CABP1: variants seen among roughly 807,000 people sequenced by gnomAD.
CABP1 encodes the protein calcium binding protein 1.
In CABP1, 17 loss-of-function variants were observed where a neutral mutation model predicts 34.3. The ratio of observed to expected loss-of-function variants is 0.50; its 90% CI spans 0.34 to 0.74. CABP1 has a LOEUF of 0.74. Among genes scored for constraint, CABP1 ranks in the 30% least tolerant of loss-of-function variants. The pLI is 0.01. For missense variants in CABP1, 373 were observed against 511.1 expected, an observed-to-expected ratio of 0.73 and a Z score of 2.61; for synonymous variants, 198 against 229.2, an observed-to-expected ratio of 0.86 and a Z score of 1.23.
At chr12:120,675,936 C>T in the CABP1 span, among the ~76,000 whole-genome samples, 2 of 152,120 alleles carry the variant, frequency 1.3e-5, no homozygotes, top group African/African-American at 2.4e-5. Context: ...TTTAGCTGGG[C>T]GTGGTGGTGG....
chr12:120,670,710 T>C (rs1881224278), downstream of CABP1, among the ~76,000 whole-genome samples: 1 of 152,178 alleles, frequency 6.6e-6, no homozygotes. Context: ...ATTGCACCGC[T>C]GCACTCAGCC....
Position 120,655,826 on chromosome 12 carries a change from C to T in CABP1, c.655-4052C>T, listed in dbSNP as rs1289125467. The T allele has an allele frequency of 2.8e-5, 40 of 1,417,922 alleles. No individual in the cohort carries two copies. In the Middle Eastern group the frequency reaches 1.1e-3, roughly 38 times the overall value. The allele number at this position is 1,417,922 out of a possible 1,614,324, so 87.8% of individuals were successfully genotyped here. ...GTGCATATGTATGTGCCAGTGCGTG[C>T]GTGCGTGTGTGTGTGTGTGTGTGTG... is the stretch of plus-strand genomic sequence containing the variant. On this transcript the variant is annotated intron_variant, in intron 1 of 5. Transcript: ENST00000316803.
At chr12:120,649,527 G>T (rs1267180322) in intron 1 of CABP1, among the ~76,000 whole-genome samples, 1 of 152,178 alleles carries the variant, frequency 6.6e-6, no homozygotes, top group Non-Finnish European at 1.5e-5. Context: ...CATCTAAAAA[G>T]CTCCAGCTGT....
At chr12:120,650,654 A>C (rs756976928) in intron 1 of CABP1, 2 of 1,614,132 alleles carry the variant, frequency 1.2e-6, no homozygotes, top group Non-Finnish European at 1.7e-6. Context: ...AACTGTGTCA[A>C]GTATCCACTG....
the CABP1 span, among the ~76,000 whole-genome samples, chr12:120,674,560 T>G: frequency 1.3e-5 from 2 of 152,080 alleles, no homozygotes; most frequent in Non-Finnish European, 2.9e-5. Context: ...GGGGTCTGAG[T>G]ATCATGATTG....
chr12:120,673,680 C>T, the CABP1 span, among the ~76,000 whole-genome samples: 4 of 152,150 alleles, frequency 2.6e-5, no homozygotes, highest in South Asian at 2.1e-4. Flanking sequence ...TTATCAGCCG[C>T]GTCATCTTGG....
chr12:120,660,443 C>A lies in CABP1; in HGVS notation c.829+104C>A. The stretch of plus-strand genomic sequence containing the variant: ...AAATTCTGCATCCACCTCTTACCAG[C>A]TCTGTGATCTGGGGCCAACCACTTA... On this transcript the variant is annotated intron_variant, in intron 3 of 5. Transcript: ENST00000316803. The surrounding 1 kb of genome is among the most constrained non-coding windows in gnomAD (Gnocchi z 5.0). 4 of 1,282,186 alleles carry A rather than the reference C, an allele frequency of 3.1e-6. No individual in the cohort carries two copies. Among genetic ancestry groups the A allele is most frequent in the Non-Finnish European group, 3.2e-6 (3 of 932,676 alleles). 79.4% of individuals were successfully genotyped at this position (1,282,186 alleles called of 1,614,324 possible).
At chr12:120,656,212 C>T (rs928651165) in intron 1 of CABP1, 23 of 1,602,392 alleles carry the variant, frequency 1.4e-5, no homozygotes, top group Non-Finnish European at 1.9e-5. Flanking sequence ...CAGTCATGCA[C>T]AACCTGCTGG....
chr12:120,656,237 T>C, intron 1 of CABP1: 1 of 1,583,392 alleles, frequency 6.3e-7, no homozygotes, highest in African/African-American at 1.3e-5. Context: ...TGCCTGCATT[T>C]TCCTGCGCAA....
At chr12:120,669,503 A>G (rs1359218222), downstream of CABP1, among the ~76,000 whole-genome samples, 1 of 152,216 alleles carries the variant, frequency 6.6e-6, no homozygotes, top group Non-Finnish European at 1.5e-5. Flanking sequence ...ACTTAGGGAT[A>G]AACTAGGACT....
chr12:120,679,199 T>C, the CABP1 span, among the ~76,000 whole-genome samples: 1 of 151,752 alleles, frequency 6.6e-6, no homozygotes, highest in Admixed American at 6.6e-5. Flanking sequence ...AAACTAAGGA[T>C]CAAAGAGGTG....
At position 120,641,568 on chromosome 12, in the gene CABP1, C is replaced by A. The variant is rs950320017; in HGVS notation, c.654+229C>A. 7.4e-6 allele frequency: 3 copies of A among 403,674 alleles called. No individual in the cohort carries two copies. Among genetic ancestry groups the A allele is most frequent in the Non-Finnish European group, 8.5e-6 (2 of 235,786 alleles). The allele number at this position is 403,674 out of a possible 1,614,324, so 25.0% of individuals were successfully genotyped here. ...CCGGGCCTCTTGGGGCAAGGCCCTC[C>A]CCGCTAGCCTCCCTCATACCCGCCA... On this transcript the variant is annotated intron_variant, in intron 1 of 5. Coordinates refer to ENST00000316803, the MANE Select transcript of CABP1 (RefSeq NM_001033677.2). The surrounding 1 kb of genome is among the most constrained non-coding windows in gnomAD (Gnocchi z 6.7).
downstream of CABP1, among the ~76,000 whole-genome samples, chr12:120,669,869 C>T (rs1214821351): frequency 2.0e-5 from 3 of 152,208 alleles, no homozygotes; most frequent in Non-Finnish European, 4.4e-5. Context: ...CCAGGGCAGT[C>T]CTCCTGCCTC....
intron 1 of CABP1, among the ~76,000 whole-genome samples, chr12:120,657,773 G>A (rs927026444): frequency 6.6e-6 from 1 of 152,198 alleles, no homozygotes; most frequent in Admixed American, 6.5e-5. Context: ...TGGGTGTACA[G>A]GAGGAACGGA....
chr12:120,671,855 C>T (rs1463742178), downstream of CABP1, among the ~76,000 whole-genome samples: 1 of 152,096 alleles, frequency 6.6e-6, no homozygotes, highest in Non-Finnish European at 1.5e-5. Flanking sequence ...TCACTTGAAG[C>T]CAGGGGTTCA....
chr12:120,663,261 G>GTTAT (rs150864781), intron 5 of CABP1, among the ~76,000 whole-genome samples: 252 of 150,722 alleles, frequency 1.7e-3, no homozygotes, highest in East Asian at 4.3e-3. Context: ...TCAGTGAAAG[G>GTTAT]TTATTTATTT....
chr12:120,661,061 C>A lies in CABP1; in HGVS notation c.940-10C>A, dbSNP rs371380920. On this transcript the variant is annotated splice_polypyrimidine_tract_variant and intron_variant, in intron 4 of 5. Transcript: ENST00000316803. The surrounding 1 kb of genome is among the most constrained non-coding windows in gnomAD (Gnocchi z 5.1). ...TGGGGCGACCTCTCCTTCCTTCCTG[C>A]CTTCTCTAGTTTGACACCAATGGTG... The A allele has an allele frequency of 1.2e-6, 2 of 1,610,200 alleles. No homozygotes were observed. Among genetic ancestry groups the A allele is most frequent in the Non-Finnish European group, 1.7e-6 (2 of 1,178,320 alleles).
downstream of CABP1, among the ~76,000 whole-genome samples, chr12:120,669,983 G>A (rs970535131): frequency 1.5e-4 from 23 of 149,198 alleles, 1 homozygote; most frequent in Middle Eastern, 3.4e-3. Flanking sequence ...TTTGGCTCCC[G>A]CCAGGAAACG....
intron 1 of CABP1, chr12:120,658,931 T>A (rs1417006787): frequency 2.0e-5 from 3 of 152,246 alleles, no homozygotes; most frequent in South Asian, 4.1e-4. Flanking sequence ...TGGGCACCTG[T>A]ATCCATTTCA....
Sources: allele counts gnomAD v4.1 joint callset (sites outside exome capture counted in the v4.1 genomes callset), GRCh38; gene constraint gnomAD v4.1.1; non-coding constraint Gnocchi (gnomAD v3.1); transcripts MANE v1.5; gene names NCBI Gene and HGNC (gene_info 2026-07-23, HGNC 2026-07-21).